Variants in CLDN10 observed in about 807,000 individuals in gnomAD.
CLDN10 encodes the protein claudin-10.
CLDN10 carries 15 observed loss-of-function variants against 22.9 expected under a neutral mutation model. That is an observed-to-expected ratio of 0.65 (90% CI 0.44 to 1.01). The LOEUF is 1.01. Ranked by LOEUF, CLDN10 falls within the 50% of genes least tolerant of loss-of-function variation. The pLI is 0.00. For missense variants in CLDN10, 247 were observed against 287.8 expected (o/e 0.86, Z 1.03); for synonymous variants, 114 against 111.4 (o/e 1.02, Z -0.15).
intron 3 of CLDN10, among the ~76,000 whole-genome samples, chr13:95,573,223 T>C (rs1441354996): frequency 6.6e-6 from 1 of 152,254 alleles, no homozygotes; most frequent in Non-Finnish European, 1.5e-5. Flanking sequence ...ACTCAGTGAC[T>C]TTATTAATGT....
intron 1 of CLDN10, among the ~76,000 whole-genome samples, chr13:95,498,516 T>A (rs2138532551): frequency 6.6e-6 from 1 of 152,254 alleles, no homozygotes; most frequent in African/African-American, 2.4e-5. Flanking sequence ...CACCTCAGCC[T>A]CCCGAGTAGC....
At chr13:95,565,284 A>G (rs7992808) in intron 3 of CLDN10, among the ~76,000 whole-genome samples, 6,418 of 152,302 alleles carry the variant, frequency 0.042, 474 homozygotes, top group African/African-American at 0.15. Flanking sequence ...TTTCTTAGAT[A>G]AACCATTGCA....
At chr13:95,443,172 G>A (rs2389263) in intron 1 of CLDN10, among the ~76,000 whole-genome samples, 66,859 of 151,678 alleles carry the variant, frequency 0.44, 14,898 homozygotes, top group South Asian at 0.5. Context: ...AGCATTTGGT[G>A]CTAGCTCCCA....
chr13:95,440,420 A>G (rs964154995), intron 1 of CLDN10, among the ~76,000 whole-genome samples: 14 of 152,244 alleles, frequency 9.2e-5, no homozygotes, highest in Admixed American at 8.5e-4. Context: ...TCATGCTTAT[A>G]GTCCCAGCAC....
chr13:95,511,627 C>CA (rs1555294387), intron 1 of CLDN10, among the ~76,000 whole-genome samples: 2 of 139,516 alleles, frequency 1.4e-5, no homozygotes, highest in Non-Finnish European at 3.1e-5. Flanking sequence ...ATTCTCTCTC[C>CA]TTTTTTTTTT....
At chr13:95,539,925 T>TG (rs1286829115) in intron 1 of CLDN10, among the ~76,000 whole-genome samples, 2 of 152,156 alleles carry the variant, frequency 1.3e-5, no homozygotes, top group African/African-American at 4.8e-5. Context: ...GAGGTCGAGG[T>TG]GGGCAGATCA....
intron 1 of CLDN10, among the ~76,000 whole-genome samples, chr13:95,529,699 C>A (rs961466152): frequency 6.6e-6 from 1 of 152,172 alleles, no homozygotes; most frequent in African/African-American, 2.4e-5. Context: ...TACTTGTCTA[C>A]ATGAAGTGTG....
chr13:95,547,859 A>C (rs1214837135), upstream of CLDN10, among the ~76,000 whole-genome samples: 2 of 152,222 alleles, frequency 1.3e-5, no homozygotes, highest in Non-Finnish European at 2.9e-5. Context: ...ACATCTATAC[A>C]GACGCCACCT....
At chr13:95,438,268 C>A (rs577319167) in intron 1 of CLDN10, among the ~76,000 whole-genome samples, 3 of 152,242 alleles carry the variant, frequency 2.0e-5, no homozygotes, top group Admixed American at 6.5e-5. Context: ...TATTTATAAA[C>A]ATAATTAGCT....
At chr13:95,556,904 A>G (rs1330568962) in intron 1 of CLDN10, among the ~76,000 whole-genome samples, 1 of 152,264 alleles carries the variant, frequency 6.6e-6, no homozygotes, top group Non-Finnish European at 1.5e-5. Flanking sequence ...AAAACACTTA[A>G]CTTTTAAGGA....
At chr13:95,560,946 C>T (rs561166227) in intron 3 of CLDN10, 8 of 156,052 alleles carry the variant, frequency 5.1e-5, no homozygotes, top group Admixed American at 3.8e-4. Context: ...AAACTGTATA[C>T]GATGCAAGGT....
chr13:95,484,324 C>T (rs1415784444), intron 1 of CLDN10, among the ~76,000 whole-genome samples: 4 of 152,166 alleles, frequency 2.6e-5, no homozygotes, highest in Non-Finnish European at 5.9e-5. Context: ...CTGCACACCA[C>T]TCGGCTATCA....
intron 1 of CLDN10, among the ~76,000 whole-genome samples, chr13:95,453,129 C>T (rs998561690): frequency 3.9e-5 from 6 of 152,088 alleles, no homozygotes; most frequent in African/African-American, 7.2e-5. Context: ...CTGTACTATA[C>T]CAACCTATGG....
At position 95,491,628 on chromosome 13, in the gene CLDN10, T is replaced by A. The variant is rs140507376; in HGVS notation, c.214+57581T>A. On this transcript the variant is annotated intron_variant, in intron 1 of 4. Transcript: ENST00000376873. ...TCTCCTTTCTCTGGTCCCTCCCTGA[T>A]TAGCTTAATAACTAACCTCCTGAAT... is the stretch of plus-strand genomic sequence containing the variant. Among the ~76,000 whole-genome samples the A allele has an allele frequency of 4.6e-3, 698 of 152,302 alleles. 7 individuals are homozygous for A. Among genetic ancestry groups the A allele is most frequent in the African/African-American group, 0.016 (669 of 41,580 alleles).
chr13:95,528,767 T>G (rs1566319220), intron 1 of CLDN10, among the ~76,000 whole-genome samples: 1 of 152,180 alleles, frequency 6.6e-6, no homozygotes, highest in Non-Finnish European at 1.5e-5. Context: ...GCAAAGCCAC[T>G]GAAGGAGATC....
At chr13:95,572,630 G>A (rs558773187) in intron 3 of CLDN10, among the ~76,000 whole-genome samples, 35 of 152,304 alleles carry the variant, frequency 2.3e-4, no homozygotes, top group Admixed American at 1.0e-3. Flanking sequence ...ACATCTGAGC[G>A]TGTTTGGGAG....
rs746547102 is a variant in CLDN10 at position 95,552,724 on chromosome 13, C to T, written c.-30C>T. The T allele has an allele frequency of 6.3e-7, 1 of 1,592,988 alleles. No homozygotes were observed. Among genetic ancestry groups the T allele is most frequent in the Non-Finnish European group, 8.5e-7 (1 of 1,170,790 alleles). ...GGGGGTCGCGGCGCAGAGTGGGAGC[C>T]GGAGAGCGAGCGCGGCTGCAGCCGG... On this transcript the variant is annotated 5_prime_UTR_variant, in exon 1 of 5. Transcript: ENST00000299339.
At chr13:95,535,144 T>C (rs9525010) in intron 1 of CLDN10, among the ~76,000 whole-genome samples, 1 of 151,890 alleles carries the variant, frequency 6.6e-6, no homozygotes, top group Admixed American at 6.6e-5. Context: ...GCATGGCAGG[T>C]GATGGGCTGA....
In CLDN10 at chr13:95,496,228, G is replaced by A. The variant is rs543155023; in HGVS notation, c.214+62181G>A. ...ACCTGGTAAATAAGCACACATTCAC[G>A]TCTGACGCATATGCTTCACTTCCAG... On this transcript the variant is annotated intron_variant, in intron 1 of 4. Coordinates refer to the CLDN10 transcript ENST00000376873. 7.9e-5 allele frequency among the ~76,000 whole-genome samples: 12 copies of A among 152,246 alleles called. 1 individual carries two copies. The highest frequency in any genetic ancestry group is 2.6e-4 in the African/African-American group (11 of 41,560).
Sources: gnomAD v4.1 joint callset for allele counts (sites outside exome capture counted in the v4.1 genomes callset) on GRCh38, gnomAD v4.1.1 for gene constraint, MANE v1.5 for transcripts, NCBI Gene and HGNC (gene_info 2026-07-23, HGNC 2026-07-21) for gene names.